PCDHA7: variants seen among roughly 807,000 people sequenced by gnomAD.
PCDHA7 encodes protocadherin alpha-7.
PCDHA7 carries 37 observed loss-of-function variants against 57.2 expected under a neutral mutation model. That is an observed-to-expected ratio of 0.65 (90% CI 0.50 to 0.85). PCDHA7 has a LOEUF of 0.85. Among genes scored for constraint, PCDHA7 ranks in the 40% least tolerant of loss-of-function variants. The probability of loss-of-function intolerance (pLI) is 0.00; values close to 1 mark genes in which losing one functional copy is unlikely to be tolerated. For synonymous variants in PCDHA7, 553 were observed against 558.8 expected (o/e 0.99, Z 0.15); for missense variants, 1,188 against 1,241.8 (o/e 0.96, Z 0.65).
chr5:140,942,679 G>C (rs549826522), intron 1 of PCDHA7, among the ~76,000 whole-genome samples: 1 of 152,020 alleles, frequency 6.6e-6, no homozygotes, highest in African/African-American at 2.4e-5. Context: ...AAAGTTTTAG[G>C]AATAACTTTA....
At chr5:140,943,326 G>A (rs1407826029) in intron 1 of PCDHA7, among the ~76,000 whole-genome samples, 10 of 149,948 alleles carry the variant, frequency 6.7e-5, no homozygotes, top group African/African-American at 2.5e-4. Flanking sequence ...ATATTGTGTA[G>A]TATCCATTGG....
At chr5:140,913,166 G>C (rs1357125827) in intron 1 of PCDHA7, among the ~76,000 whole-genome samples, 2 of 152,160 alleles carry the variant, frequency 1.3e-5, no homozygotes, top group African/African-American at 4.8e-5. Flanking sequence ...ATTGGTATTA[G>C]TTCTTCTTTA....
chr5:140,988,363 C>T (rs782342714), intron 3 of PCDHA7, among the ~76,000 whole-genome samples: 25 of 152,132 alleles, frequency 1.6e-4, no homozygotes, highest in Admixed American at 4.6e-4. Context: ...CTTTTACTTT[C>T]TGGGGTTGTG....
intron 1 of PCDHA7, chr5:140,875,971 C>A (rs17844352): frequency 1.1e-5 from 17 of 1,614,030 alleles, no homozygotes; most frequent in Non-Finnish European, 1.4e-5. Flanking sequence ...CGTAAACTCT[C>A]TTTTGACCTA....
chr5:140,992,216 C>G (rs1554252754), intron 3 of PCDHA7, among the ~76,000 whole-genome samples: 1 of 152,100 alleles, frequency 6.6e-6, no homozygotes, highest in African/African-American at 2.4e-5. Flanking sequence ...AAACTACTCT[C>G]CCTTCCTGGG....
intron 1 of PCDHA7, among the ~76,000 whole-genome samples, chr5:140,931,894 A>G (rs1242530874): frequency 1.3e-5 from 2 of 151,966 alleles, no homozygotes; most frequent in African/African-American, 4.8e-5. Flanking sequence ...TTTTATTTCA[A>G]ATCATTTGAA....
chr5:140,897,199 A>G (rs760377746), intron 1 of PCDHA7, among the ~76,000 whole-genome samples: 1 of 152,030 alleles, frequency 6.6e-6, no homozygotes, highest in Admixed American at 6.6e-5. Flanking sequence ...TTTTTTTATT[A>G]TACTTTAAGT....
chr5:140,969,613 T>C (rs2096347317), intron 1 of PCDHA7: 2 of 727,588 alleles, frequency 2.7e-6, no homozygotes, highest in African/African-American at 1.8e-5. Flanking sequence ...AAACACAGAT[T>C]TGTAGAGAAA....
chr5:140,871,132 G>A, intron 1 of PCDHA7: 1 of 1,613,372 alleles, frequency 6.2e-7, no homozygotes, highest in South Asian at 1.1e-5. Flanking sequence ...GGCGCCAAAG[G>A]CCTCTTCCCG....
chr5:140,890,879 A>C (rs1448155644), intron 1 of PCDHA7, among the ~76,000 whole-genome samples: 2 of 152,112 alleles, frequency 1.3e-5, no homozygotes, highest in Non-Finnish European at 2.9e-5. Flanking sequence ...CTGACCTTTC[A>C]TCAGGGATTA....
At chr5:140,941,381 A>G (rs2093056743) in intron 1 of PCDHA7, among the ~76,000 whole-genome samples, 1 of 128,140 alleles carries the variant, frequency 7.8e-6, no homozygotes, top group Non-Finnish European at 1.6e-5. Context: ...TAGTGACAGG[A>G]TTTTGGCTCA....
At chr5:140,867,507 C>A (rs190699676) in intron 1 of PCDHA7, 36 of 152,086 alleles carry the variant, frequency 2.4e-4, no homozygotes, top group African/African-American at 7.5e-4. Context: ...AGAACAAAAT[C>A]TCAAATTAAT....
Position 140,841,359 on chromosome 5 carries a change from G to T in PCDHA7, c.2355+4621G>T, listed in dbSNP as rs2150314214. 1.2e-5 allele frequency: 20 copies of T among 1,613,174 alleles called. No homozygotes were observed. Among genetic ancestry groups the T allele is most frequent in the Non-Finnish European group, 1.6e-5 (19 of 1,179,474 alleles). On this transcript the variant is annotated intron_variant, in intron 1 of 3. Transcript: ENST00000525929. Reference sequence around the variant, plus strand: ...TGGCGAGGAGAGCTGGGATCCTGGCGACTACTACTCTTGCTTCTGCTCCTC... The same window carrying T: ...TGGCGAGGAGAGCTGGGATCCTGGCTACTACTACTCTTGCTTCTGCTCCTC...
chr5:140,927,309 C>T (rs2084071798), intron 1 of PCDHA7: 4 of 1,614,058 alleles, frequency 2.5e-6, no homozygotes, highest in Admixed American at 1.7e-5. Context: ...TCCTGACGCC[C>T]GGAGCCCGCT....
chr5:140,950,862 A>G (rs2094526538), intron 1 of PCDHA7, among the ~76,000 whole-genome samples: 1 of 151,952 alleles, frequency 6.6e-6, no homozygotes, highest in African/African-American at 2.4e-5. Context: ...ATATTCTTGT[A>G]TATTCTATAT....
chr5:140,893,709 G>T lies in PCDHA7; in HGVS notation c.2355+56971G>T, dbSNP rs141117049. ...ATCTCATTCTATCCTAGCCTGTAAA[G>T]CTTCTGCTGAGAAATCTGCTGTTAG... is the stretch of plus-strand genomic sequence containing the variant. On this transcript the variant is annotated intron_variant, in intron 1 of 3. Transcript: ENST00000525929. 2.6e-3 allele frequency among the ~76,000 whole-genome samples: 396 copies of T among 152,250 alleles called. 2 individuals carry two copies. Among genetic ancestry groups the T allele is most frequent in the African/African-American group, 9.2e-3 (384 of 41,542 alleles).
In PCDHA7 at chr5:140,834,968, A is replaced by AT. The variant is rs1347218738; in HGVS notation, c.587dup (p.Leu196PhefsTer42). 6.0e-6 allele frequency: 9 copies of AT among 1,508,864 alleles called. No individual in the cohort carries two copies. The highest frequency in any genetic ancestry group is 8.1e-6 in the Non-Finnish European group (9 of 1,114,548). The allele number at this position is 1,508,864 out of a possible 1,614,324, so 93.5% of individuals were successfully genotyped here. A position where few individuals can be genotyped will look rare whatever the true frequency, so the allele number is the denominator to read the frequency against. ...AGCAGGTAAAACCTCTTGGACTTGT[A>AT]TTACGGAAACTTTTAGACAGAGAAG... On this transcript the variant is annotated frameshift_variant, in exon 1 of 4. Coordinates refer to ENST00000525929, the MANE Select transcript of PCDHA7 (RefSeq NM_018910.3). LOFTEE classifies it high-confidence loss of function.
rs201131092 is a variant in PCDHA7 at position 141,009,948 on chromosome 5, T to A, written c.*11T>A. ...AACAGTGACCAGTGAGGTCCTCAAATGGAAACAAGCCACTTAGCCAGTTTT... is the reference window on the plus strand; with the variant it reads ...AACAGTGACCAGTGAGGTCCTCAAAAGGAAACAAGCCACTTAGCCAGTTTT... On this transcript the variant is annotated 3_prime_UTR_variant, in exon 4 of 4. Coordinates refer to ENST00000525929, the MANE Select transcript of PCDHA7 (RefSeq NM_018910.3). The A allele has an allele frequency of 9.4e-6, 15 of 1,595,948 alleles. No homozygotes were observed. In the East Asian group the frequency reaches 3.4e-4, roughly 36 times the overall value.
intron 1 of PCDHA7, among the ~76,000 whole-genome samples, chr5:140,838,633 T>C (rs1417814088): frequency 6.6e-6 from 1 of 151,988 alleles, no homozygotes; most frequent in Non-Finnish European, 1.5e-5. Flanking sequence ...AATAATTTGG[T>C]TGGTCAAAAA....
Sources: allele counts gnomAD v4.1 joint callset (sites outside exome capture counted in the v4.1 genomes callset), GRCh38; gene constraint gnomAD v4.1.1; transcripts MANE v1.5; gene names NCBI Gene and HGNC (gene_info 2026-07-23, HGNC 2026-07-21).